BTBD10: variants seen among roughly 807,000 people sequenced by gnomAD.
BTBD10 encodes the protein BTB domain containing 10.
BTBD10 carries 21 observed loss-of-function variants against 53.2 expected under a neutral mutation model. The ratio of observed to expected loss-of-function variants is 0.39; its 90% CI spans 0.28 to 0.57. The LOEUF (loss-of-function observed/expected upper bound fraction) is 0.57. Among genes scored for constraint, BTBD10 ranks in the 20% least tolerant of loss-of-function variants. The pLI, the probability that BTBD10 is intolerant of heterozygous loss-of-function variation, is 0.53. For synonymous variants in BTBD10, 149 were observed against 192.7 expected, an observed-to-expected ratio of 0.77 and a Z score of 1.88; for missense variants, 360 against 594.7, an observed-to-expected ratio of 0.61 and a Z score of 4.10.
chr11:13,456,860 A>G (rs751513511), intron 1 of BTBD10, among the ~76,000 whole-genome samples: 14 of 152,202 alleles, frequency 9.2e-5, no homozygotes, highest in Non-Finnish European at 1.6e-4. Context: ...ATACACTGCC[A>G]ATGAAAAGTA....
chr11:13,412,361 G>T (rs531893660), intron 6 of BTBD10, among the ~76,000 whole-genome samples: 1 of 152,230 alleles, frequency 6.6e-6, no homozygotes, highest in East Asian at 1.9e-4. Context: ...GCTAAGGCAG[G>T]AGAATCCCTT....
chr11:13,463,068 A>G, intron 1 of BTBD10, 24 bp downstream of exon 1: 1 of 153,168 alleles, frequency 6.5e-6, no homozygotes, highest in Non-Finnish European at 1.5e-5. Context: ...GCCCCCGCCG[A>G]GTTCCCCAGC....
intron 8 of BTBD10, among the ~76,000 whole-genome samples, chr11:13,395,324 G>A (rs545624073): frequency 3.3e-5 from 5 of 152,054 alleles, no homozygotes; most frequent in Admixed American, 1.3e-4. Flanking sequence ...TGTGTTTTTT[G>A]GCTGCATAAA....
At chr11:13,420,676 G>T (rs1950226234) in intron 3 of BTBD10, among the ~76,000 whole-genome samples, 1 of 152,010 alleles carries the variant, frequency 6.6e-6, no homozygotes, top group African/African-American at 2.4e-5. Flanking sequence ...CAGCATTATT[G>T]ATTGTATAAT....
intron 8 of BTBD10, among the ~76,000 whole-genome samples, chr11:13,397,923 C>G (rs887249268): frequency 3.3e-5 from 5 of 152,142 alleles, no homozygotes; most frequent in Non-Finnish European, 5.9e-5. Context: ...GTTATAATTT[C>G]TGTTCTTTTA....
intron 2 of BTBD10, among the ~76,000 whole-genome samples, chr11:13,442,599 C>T (rs1325449634): frequency 6.6e-6 from 1 of 152,090 alleles, no homozygotes; most frequent in Non-Finnish European, 1.5e-5. Context: ...CCAGGATTAC[C>T]TCAAGTCTCA....
intron 1 of BTBD10, among the ~76,000 whole-genome samples, chr11:13,458,602 G>C (rs878916822): frequency 1.1e-4 from 16 of 152,116 alleles, no homozygotes; most frequent in Non-Finnish European, 2.1e-4. Context: ...TTGCACTTTA[G>C]TTTTCTCTTC....
rs545801792 is a variant in BTBD10 at position 13,413,876 on chromosome 11, T to C, written c.688-226A>G. Among the ~76,000 whole-genome samples, 6 of 152,344 alleles carry C rather than the reference T, an allele frequency of 3.9e-5. No individual in the cohort carries two copies. In the East Asian group the frequency reaches 1.2e-3, roughly 29 times the overall value. Reference sequence around the variant, plus strand: ...ATGAATTCACCGACTTAGCCTGTCATAAAATTATTTAAAAGCAAAGGTAAG... The same window carrying C: ...ATGAATTCACCGACTTAGCCTGTCACAAAATTATTTAAAAGCAAAGGTAAG... On this transcript the variant is annotated intron_variant, in intron 5 of 8. Transcript: ENST00000278174.
chr11:13,417,397 C>A, intron 4 of BTBD10, 137 bp from the exon 5 acceptor site: 4 of 572,980 alleles, frequency 7.0e-6, no homozygotes, highest in Admixed American at 3.3e-5. Flanking sequence ...TTTATTCTGG[C>A]AAACATCATA....
chr11:13,443,493 C>T (rs768134295), intron 2 of BTBD10, among the ~76,000 whole-genome samples: 20 of 151,644 alleles, frequency 1.3e-4, no homozygotes, highest in Non-Finnish European at 2.6e-4. Flanking sequence ...AGCAGAAAAA[C>T]AGCAAGAACT....
At chr11:13,462,737 A>T (rs1302616092) in intron 1 of BTBD10, 1 of 152,316 alleles carries the variant, frequency 6.6e-6, no homozygotes, top group Non-Finnish European at 1.5e-5. Context: ...CGCCTTCCTC[A>T]GGATGTCGCT....
At chr11:13,433,570 A>G (rs917704651) in intron 2 of BTBD10, among the ~76,000 whole-genome samples, 4 of 152,214 alleles carry the variant, frequency 2.6e-5, no homozygotes, top group African/African-American at 9.7e-5. Flanking sequence ...TTTGCTTTTT[A>G]TAAGCATCGT....
At chr11:13,417,405 A>G in intron 4 of BTBD10, 145 bp from the exon 5 acceptor site, 1 of 569,062 alleles carries the variant, frequency 1.8e-6, no homozygotes, top group East Asian at 3.0e-5. Context: ...GGCAAACATC[A>G]TAAAAGAAAG....
intron 8 of BTBD10, among the ~76,000 whole-genome samples, chr11:13,391,424 A>G (rs906081260): frequency 2.0e-5 from 3 of 152,022 alleles, no homozygotes; most frequent in Non-Finnish European, 4.4e-5. Context: ...TGTTAACAAT[A>G]CTTAACAGAA....
chr11:13,405,556 C>T lies in BTBD10; in HGVS notation c.1006+103G>A, dbSNP rs11022803. On this transcript the variant is annotated intron_variant, in intron 7 of 8. Coordinates refer to ENST00000278174, the MANE Select transcript of BTBD10 (RefSeq NM_032320.7). ...TTAATTTATAAAAATAGGTGATGGGCTGGATTGACCCCCAGGCTGGTCTAT... is the reference window on the plus strand; with the variant it reads ...TTAATTTATAAAAATAGGTGATGGGTTGGATTGACCCCCAGGCTGGTCTAT... 871 of 1,252,528 alleles carry T rather than the reference C, an allele frequency of 7.0e-4. 13 individuals carry two copies. In the East Asian group the frequency reaches 0.018, roughly 26 times the overall value. The allele number at this position is 1,252,528 out of a possible 1,614,324, so 77.6% of individuals were successfully genotyped here. A position where few individuals can be genotyped will look rare whatever the true frequency, so the allele number is the denominator to read the frequency against.
At chr11:13,456,855 C>G (rs1950978955) in intron 1 of BTBD10, among the ~76,000 whole-genome samples, 1 of 152,166 alleles carries the variant, frequency 6.6e-6, no homozygotes, top group Non-Finnish European at 1.5e-5. Flanking sequence ...CTGGCATACA[C>G]TGCCAATGAA....
chr11:13,397,991 T>A (rs1382052490), intron 8 of BTBD10, among the ~76,000 whole-genome samples: 2 of 152,196 alleles, frequency 1.3e-5, no homozygotes, highest in East Asian at 3.8e-4. Context: ...ATAGGTGTGG[T>A]GTGGTGCTGA....
chr11:13,461,041 A>G (rs1026347660), intron 1 of BTBD10, among the ~76,000 whole-genome samples: 6 of 152,222 alleles, frequency 3.9e-5, no homozygotes, highest in African/African-American at 1.2e-4. Context: ...TTGCCCTACT[A>G]TAACTATACT....
intron 3 of BTBD10, 90 bp downstream of exon 3, chr11:13,421,552 G>A: frequency 8.6e-7 from 1 of 1,162,802 alleles, no homozygotes; most frequent in Non-Finnish European, 1.2e-6. Flanking sequence ...TTACTCTGCA[G>A]TATTAGGCAC....
Sources: allele counts gnomAD v4.1 joint callset (sites outside exome capture counted in the v4.1 genomes callset), GRCh38; gene constraint gnomAD v4.1.1; transcripts MANE v1.5; gene names NCBI Gene and HGNC (gene_info 2026-07-23, HGNC 2026-07-21).